The following SERPINI1 variants were observed in gnomAD, a reference collection of about 807,000 sequenced individuals.
SERPINI1 encodes the protein serpin family I member 1, also known as neuroserpin.
SERPINI1 carries 19 observed loss-of-function variants against 41.1 expected under a neutral mutation model. That is an observed-to-expected ratio of 0.46 (90% CI 0.32 to 0.68). SERPINI1 has a LOEUF of 0.68. Among genes scored for constraint, SERPINI1 ranks in the 30% least tolerant of loss-of-function variants. The pLI is 0.03. For missense variants in SERPINI1, 460 were observed against 479.2 expected, an observed-to-expected ratio of 0.96 and a Z score of 0.37; for synonymous variants, 138 against 156.6, an observed-to-expected ratio of 0.88 and a Z score of 0.89.
At chr3:167,741,098 T>C (rs1224598854) in intron 1 of SERPINI1, among the ~76,000 whole-genome samples, 3 of 152,150 alleles carry the variant, frequency 2.0e-5, no homozygotes, top group Admixed American at 6.5e-5. Context: ...TTGACAGTGC[T>C]CAGTGTTGGT....
intron 1 of SERPINI1, among the ~76,000 whole-genome samples, chr3:167,739,221 T>C (rs576161277): frequency 3.9e-5 from 6 of 152,194 alleles, no homozygotes; most frequent in Admixed American, 3.3e-4. Flanking sequence ...ATGTACTTCT[T>C]TTCTATCTCC....
chr3:167,768,245 G>A lies in SERPINI1; in HGVS notation c.-18-20866G>A, dbSNP rs903319251. Among the ~76,000 whole-genome samples, 5 of 152,200 alleles carry A rather than the reference G, an allele frequency of 3.3e-5. No homozygotes were observed. In the East Asian group the frequency reaches 9.6e-4, roughly 29 times the overall value. ...GACCCTCCACCAATGAAAAGCTTATGACTTGCTGATGGCTGAGATGATCAT... is the reference window on the plus strand; with the variant it reads ...GACCCTCCACCAATGAAAAGCTTATAACTTGCTGATGGCTGAGATGATCAT... On this transcript the variant is annotated intron_variant, in intron 1 of 8. Coordinates refer to ENST00000446050, the MANE Select transcript of SERPINI1 (RefSeq NM_001122752.2).
chr3:167,808,664 T>C (rs1417092881), intron 6 of SERPINI1, among the ~76,000 whole-genome samples: 2 of 152,158 alleles, frequency 1.3e-5, no homozygotes, highest in East Asian at 1.9e-4. Context: ...CAGCAGCCTA[T>C]AGAGAATCAA....
chr3:167,738,333 G>A (rs1182801019), intron 1 of SERPINI1, among the ~76,000 whole-genome samples: 1 of 151,972 alleles, frequency 6.6e-6, no homozygotes, highest in African/African-American at 2.4e-5. Context: ...CATATCCTTT[G>A]GTCTTTTCTT....
chr3:167,803,294 A>C (rs1711512826), intron 5 of SERPINI1, among the ~76,000 whole-genome samples: 1 of 151,124 alleles, frequency 6.6e-6, no homozygotes, highest in Admixed American at 6.6e-5. Flanking sequence ...AAAATAAATA[A>C]ATAAATAAAT....
intron 1 of SERPINI1, among the ~76,000 whole-genome samples, chr3:167,785,350 A>G (rs1727271738): frequency 6.6e-6 from 1 of 152,220 alleles, no homozygotes; most frequent in South Asian, 2.1e-4. Context: ...GGCTGAGAGA[A>G]TTCATGTGAC....
intron 6 of SERPINI1, 164 bp from the exon 7 acceptor site, chr3:167,822,822 C>A: frequency 3.6e-6 from 2 of 556,186 alleles, no homozygotes; most frequent in African/African-American, 3.8e-5. Context: ...AAATTAAAAA[C>A]CACATCTTCA....
intron 1 of SERPINI1, among the ~76,000 whole-genome samples, chr3:167,738,064 C>T (rs541387882): frequency 3.3e-5 from 5 of 152,172 alleles, no homozygotes; most frequent in African/African-American, 1.2e-4. Context: ...CACATTCAAT[C>T]TCAGGTAATC....
At chr3:167,800,831 G>A (rs188703603) in intron 5 of SERPINI1, among the ~76,000 whole-genome samples, 2 of 133,356 alleles carry the variant, frequency 1.5e-5, no homozygotes, top group Non-Finnish European at 3.1e-5. Flanking sequence ...CTTTTAGACA[G>A]AATCTCACTC....
intron 1 of SERPINI1, among the ~76,000 whole-genome samples, chr3:167,761,628 C>A (rs1726384495): frequency 6.6e-6 from 1 of 152,178 alleles, no homozygotes; most frequent in Admixed American, 6.5e-5. Flanking sequence ...CTTCAATACA[C>A]TCAATAATGT....
chr3:167,790,341 A>G, intron 2 of SERPINI1, 31 bp from the exon 3 acceptor site: 4 of 1,480,986 alleles, frequency 2.7e-6, no homozygotes, highest in Non-Finnish European at 2.8e-6. Context: ...TGTTTGTTCT[A>G]CAAATAAACT....
rs773079957 is a variant in SERPINI1 at position 167,823,082 on chromosome 3, G to T, written c.1066+10G>T. On this transcript the variant is annotated intron_variant, in intron 7 of 8. Coordinates refer to ENST00000446050, the MANE Select transcript of SERPINI1 (RefSeq NM_001122752.2). ...GCTGCTGCTGTCTCAGGTACTGTTT[G>T]CTAGAATCTTCTCCCCTCTTCTAGA... The T allele has an allele frequency of 7.7e-5, 118 of 1,541,454 alleles. No homozygotes were observed. The highest frequency in any genetic ancestry group is 1.0e-4 in the Non-Finnish European group (116 of 1,113,982).
Position 167,790,447 on chromosome 3 carries a change from C to A in SERPINI1, c.326C>A (p.Ala109Asp), listed in dbSNP as rs776253960. Residue 109 changes from alanine to aspartate, a missense_variant, in exon 3 of 9, where the codon GCC (alanine) becomes GAC (aspartate). Transcript: ENST00000446050. ...AKESQYVMKI[A>D]NSLFVQNGFH... Reference sequence around the variant, plus strand: ...GAGAGCCAATATGTGATGAAAATTGCCAATTCCTTGTTTGTGCAAAATGGA... The same window carrying A: ...GAGAGCCAATATGTGATGAAAATTGACAATTCCTTGTTTGTGCAAAATGGA... 4 of 1,613,864 alleles carry A rather than the reference C, an allele frequency of 2.5e-6. No homozygotes were observed. The highest frequency in any genetic ancestry group is 1.7e-6 in the Non-Finnish European group (2 of 1,179,902).
intron 1 of SERPINI1, among the ~76,000 whole-genome samples, chr3:167,749,895 C>A (rs1253371341): frequency 6.6e-6 from 1 of 152,054 alleles, no homozygotes; most frequent in African/African-American, 2.4e-5. Flanking sequence ...ATGTCTTGAC[C>A]TCAGAGAAGT....
At chr3:167,768,475 G>T (rs1726635958) in intron 1 of SERPINI1, among the ~76,000 whole-genome samples, 1 of 152,152 alleles carries the variant, frequency 6.6e-6, no homozygotes, top group Non-Finnish European at 1.5e-5. Flanking sequence ...CAATATCGCT[G>T]AGGTATGCCT....
chr3:167,792,595 G>A lies in SERPINI1; in HGVS notation c.487G>A (p.Val163Met). Residue 163 changes from valine to methionine, a missense_variant, in exon 4 of 9, where the codon GTG (valine) becomes ATG (methionine). Coordinates refer to ENST00000446050, the MANE Select transcript of SERPINI1 (RefSeq NM_001122752.2). ...ATTCATTTTTTCCTAAATAGATCTGGTGAAAGATTTGGTATCCCCAAGGGA... is the reference window on the plus strand; with the variant it reads ...ATTCATTTTTTCCTAAATAGATCTGATGAAAGATTTGGTATCCCCAAGGGA... ...KWVENNTNNLVKDLVSPRDFD... is the reference protein window; with the variant it reads ...KWVENNTNNLMKDLVSPRDFD... 6.2e-7 allele frequency: 1 copy of A among 1,613,118 alleles called. No homozygotes were observed. Among genetic ancestry groups the A allele is most frequent in the Non-Finnish European group, 8.5e-7 (1 of 1,179,546 alleles).
At chr3:167,745,248 G>C (rs1389998831) in intron 1 of SERPINI1, among the ~76,000 whole-genome samples, 1 of 151,632 alleles carries the variant, frequency 6.6e-6, no homozygotes, top group Non-Finnish European at 1.5e-5. Context: ...TTTATTCCAG[G>C]AATAAAGGTT....
chr3:167,782,024 G>C (rs1326539770), intron 1 of SERPINI1, among the ~76,000 whole-genome samples: 3 of 152,084 alleles, frequency 2.0e-5, no homozygotes, highest in Non-Finnish European at 4.4e-5. Context: ...ATTAAGGATA[G>C]TTTATTCATA....
At chr3:167,750,805 T>TA (rs748091937) in intron 1 of SERPINI1, among the ~76,000 whole-genome samples, 1 of 152,138 alleles carries the variant, frequency 6.6e-6, no homozygotes, top group African/African-American at 2.4e-5. Flanking sequence ...TTCTGCAATA[T>TA]AATTATGATC....
Sources: gnomAD v4.1 joint callset for allele counts (sites outside exome capture counted in the v4.1 genomes callset) on GRCh38, gnomAD v4.1.1 for gene constraint, MANE v1.5 for transcripts, NCBI Gene and HGNC (gene_info 2026-07-23, HGNC 2026-07-21) for gene names.